The following DAB1 variants were observed in gnomAD, a reference collection of about 807,000 sequenced individuals.
DAB1 encodes DAB adaptor protein 1, also known as disabled homolog 1.
Under a neutral mutation model 64.6 loss-of-function variants are expected in DAB1, and 15 were observed. The ratio of observed to expected loss-of-function variants is 0.23; its 90% CI spans 0.16 to 0.36. DAB1 has a LOEUF of 0.36. Ranked by LOEUF, DAB1 falls within the 10% of genes least tolerant of loss-of-function variation. The probability of loss-of-function intolerance (pLI) is 1.00; values close to 1 mark genes in which losing one functional copy is unlikely to be tolerated. For missense variants in DAB1, 596 were observed against 706.7 expected (o/e 0.84, Z 1.78); for synonymous variants, 235 against 251.9 (o/e 0.93, Z 0.64).
intron 4 of DAB1, among the ~76,000 whole-genome samples, chr1:58,211,689 G>C (rs908424701): frequency 6.6e-6 from 1 of 152,142 alleles, no homozygotes; most frequent in African/African-American, 2.4e-5. Flanking sequence ...GCTTTCTCCT[G>C]TATCTCTAAT....
intron 2 of DAB1, among the ~76,000 whole-genome samples, chr1:57,197,337 T>C (rs564602): frequency 0.49 from 71,879 of 146,824 alleles, 18,025 homozygotes; most frequent in African/African-American, 0.58. Flanking sequence ...GAGAGAGACT[T>C]CATCTCAAAA....
At position 57,306,693 on chromosome 1, in the gene DAB1, C is replaced by T. The variant is rs1473728374; in HGVS notation, c.-136-15527G>A. Among the ~76,000 whole-genome samples the T allele has an allele frequency of 4.6e-5, 7 of 151,886 alleles. No homozygotes were observed. The South Asian group carries it at 1.2e-3, about 27-fold the overall frequency. On this transcript the variant is annotated intron_variant, in intron 1 of 14. Transcript: ENST00000371236. Reference sequence around the variant, plus strand: ...GGCTTCTGGGTAGCCTGCTCTTATGCGAAGCTTTAAAAGAAATATTATAGT... The same window carrying T: ...GGCTTCTGGGTAGCCTGCTCTTATGTGAAGCTTTAAAAGAAATATTATAGT...
intron 2 of DAB1, among the ~76,000 whole-genome samples, chr1:58,517,198 C>A (rs1646170443): frequency 6.6e-6 from 1 of 152,186 alleles, no homozygotes; most frequent in African/African-American, 2.4e-5. Flanking sequence ...AGAGCTCAAA[C>A]ACACATCTGG....
At chr1:57,056,999 A>G (rs1334833496) in intron 9 of DAB1, among the ~76,000 whole-genome samples, 7 of 152,194 alleles carry the variant, frequency 4.6e-5, no homozygotes, top group African/African-American at 1.7e-4. Context: ...CAGCAAGAGT[A>G]CTGGAGTGGA....
chr1:57,214,852 C>T (rs544711191), intron 2 of DAB1, among the ~76,000 whole-genome samples: 2 of 130,368 alleles, frequency 1.5e-5, no homozygotes, highest in Admixed American at 9.3e-5. Flanking sequence ...TGGAGCTTGT[C>T]GTGAGCTGAG....
intron 3 of DAB1, among the ~76,000 whole-genome samples, chr1:58,373,018 A>C (rs1333437490): frequency 6.6e-6 from 1 of 152,186 alleles, no homozygotes; most frequent in African/African-American, 2.4e-5. Flanking sequence ...AAATATTTTA[A>C]AATGTTAATA....
chr1:57,819,549 G>C (rs1652021546), intron 6 of DAB1, among the ~76,000 whole-genome samples: 1 of 152,168 alleles, frequency 6.6e-6, no homozygotes, highest in Admixed American at 6.5e-5. Context: ...TTTGGAAACA[G>C]GAAGAATCAA....
At chr1:58,042,859 C>T (rs1371053680) in intron 5 of DAB1, among the ~76,000 whole-genome samples, 2 of 152,072 alleles carry the variant, frequency 1.3e-5, no homozygotes, top group Non-Finnish European at 2.9e-5. Flanking sequence ...GGAGGGGAGG[C>T]ATTATAATAA....
intron 5 of DAB1, among the ~76,000 whole-genome samples, chr1:58,023,379 T>A (rs1646842079): frequency 6.6e-6 from 1 of 152,142 alleles, no homozygotes; most frequent in Non-Finnish European, 1.5e-5. Flanking sequence ...GACTCTGTGT[T>A]AAAATCACCT....
intron 7 of DAB1, among the ~76,000 whole-genome samples, chr1:57,583,728 CT>C (rs1424009826): frequency 2.6e-5 from 4 of 152,180 alleles, no homozygotes; most frequent in African/African-American, 9.7e-5. Context: ...GACTCCTGTA[CT>C]TTCCAAATTT....
rs951800826 is a variant in DAB1, at chr1:57,053,750, T to C, written c.723+9134A>G. 2.0e-5 allele frequency among the ~76,000 whole-genome samples: 3 copies of C among 146,348 alleles called. No homozygotes were observed. The Admixed American group carries it at 2.1e-4, about 10-fold the overall frequency. On this transcript the variant is annotated intron_variant, in intron 9 of 14. Coordinates refer to ENST00000371236, the MANE Select transcript of DAB1 (RefSeq NM_001365792.1). ...TCGCCCAGGCTGGAGTGCAGTGGCA[T>C]GATCTCGGCTCACTGAAACCTCCGC...
chr1:57,410,019 A>G (rs1477981191), intron 1 of DAB1, among the ~76,000 whole-genome samples: 1 of 152,228 alleles, frequency 6.6e-6, no homozygotes, highest in Non-Finnish European at 1.5e-5. Context: ...AAATCGCACT[A>G]CAAACCTTTA....
At chr1:57,720,198 G>A (rs905475337) in intron 6 of DAB1, among the ~76,000 whole-genome samples, 21 of 152,106 alleles carry the variant, frequency 1.4e-4, no homozygotes, top group Admixed American at 1.3e-3. Flanking sequence ...TGCACACTCC[G>A]ATGCACTGCA....
intron 2 of DAB1, among the ~76,000 whole-genome samples, chr1:57,219,115 C>G (rs1038174860): frequency 2.6e-5 from 4 of 152,156 alleles, no homozygotes; most frequent in Admixed American, 2.6e-4. Context: ...AGTAGTTATA[C>G]AGTTTGGATT....
At chr1:58,369,096 T>G (rs1030947466) in intron 3 of DAB1, among the ~76,000 whole-genome samples, 1 of 152,184 alleles carries the variant, frequency 6.6e-6, no homozygotes, top group Admixed American at 6.5e-5. Flanking sequence ...GTAAAATAAC[T>G]CTGAGGTACA....
intron 3 of DAB1, among the ~76,000 whole-genome samples, chr1:58,408,720 T>C (rs1644640248): frequency 1.3e-5 from 2 of 152,178 alleles, no homozygotes; most frequent in African/African-American, 4.8e-5. Flanking sequence ...GAGTGGATGC[T>C]TGAGAAGGAG....
At chr1:57,592,391 G>A (rs920823777) in intron 7 of DAB1, among the ~76,000 whole-genome samples, 3 of 152,032 alleles carry the variant, frequency 2.0e-5, no homozygotes, top group African/African-American at 7.3e-5. Flanking sequence ...AGCCAGTCAG[G>A]TGACTGTGCA....
chr1:58,141,500 A>T (rs1654285405), intron 5 of DAB1, among the ~76,000 whole-genome samples: 1 of 152,166 alleles, frequency 6.6e-6, no homozygotes, highest in East Asian at 1.9e-4. Flanking sequence ...GTAGGGACAC[A>T]GCCAAACCAC....
At chr1:57,731,762 A>G (rs1197503756) in intron 6 of DAB1, among the ~76,000 whole-genome samples, 1 of 151,828 alleles carries the variant, frequency 6.6e-6, no homozygotes, top group Non-Finnish European at 1.5e-5. Context: ...CCGAGATCAC[A>G]TCACTGCACT....
Sources: allele counts gnomAD v4.1 joint callset (sites outside exome capture counted in the v4.1 genomes callset), GRCh38; gene constraint gnomAD v4.1.1; transcripts MANE v1.5; gene names NCBI Gene and HGNC (gene_info 2026-07-23, HGNC 2026-07-21).